The following ZBTB17 variants were observed in gnomAD, a reference collection of about 807,000 sequenced individuals.
The protein encoded by ZBTB17 is zinc finger and BTB domain-containing protein 17.
Under a neutral mutation model 85.1 loss-of-function variants are expected in ZBTB17, and 24 were observed. That is an observed-to-expected ratio of 0.28 (90% CI 0.20 to 0.40). The LOEUF (loss-of-function observed/expected upper bound fraction) is 0.40. ZBTB17 is among the 10% of genes least tolerant of loss of function. The pLI is 1.00. For missense variants in ZBTB17, 743 were observed against 1,105.1 expected (o/e 0.67, Z 4.65); for synonymous variants, 464 against 460.2 (o/e 1.01, Z -0.11).
chr1:15,958,415 CA>C (rs34593133), intron 2 of ZBTB17, among the ~76,000 whole-genome samples: 430 of 84,596 alleles, frequency 5.1e-3, no homozygotes, highest in African/African-American at 0.017. Context: ...CCAATACGAC[CA>C]AAAAAAAAAA....
At chr1:15,975,310 G>A (rs1325602204) in intron 1 of ZBTB17, among the ~76,000 whole-genome samples, 3 of 152,166 alleles carry the variant, frequency 2.0e-5, no homozygotes, top group Non-Finnish European at 2.9e-5. Flanking sequence ...ATAAACCCAG[G>A]CAGAGAGAAA....
intron 2 of ZBTB17, among the ~76,000 whole-genome samples, chr1:15,968,163 A>G (rs930851801): frequency 3.9e-5 from 6 of 152,214 alleles, no homozygotes; most frequent in Non-Finnish European, 8.8e-5. Context: ...CAGAGAAACC[A>G]TCTTCTGACC....
intron 3 of ZBTB17, chr1:15,948,083 T>A: frequency 1.6e-6 from 1 of 636,402 alleles, no homozygotes; most frequent in Middle Eastern, 2.7e-4. Context: ...TCCTGCCCGT[T>A]CTCCCCTTAC....
At position 15,951,618 on chromosome 1, in the gene ZBTB17, C is replaced by T. The variant is rs763882431; in HGVS notation, c.-2-3121G>A. On this transcript the variant is annotated intron_variant, in intron 2 of 15. Transcript: ENST00000375743. The surrounding 1 kb of genome is among the most constrained non-coding windows in gnomAD (Gnocchi z 4.1). ...GCCCGTGGCGAGACGGAGGCATGGC[C>T]GGCTGGGTCCTTCCCTCTGAGGGGC... Among the ~76,000 whole-genome samples the T allele has an allele frequency of 2.0e-5, 3 of 152,142 alleles. No homozygotes were observed. Among genetic ancestry groups the T allele is most frequent in the Non-Finnish European group, 4.4e-5 (3 of 68,014 alleles).
rs4661672 is a variant in ZBTB17 at position 15,943,242 on chromosome 1, C to T, written c.1698-48G>A. ...TCGCATGGAACTGCCCCAACCTGGGCCTCCTGCCTCACCCTCTAGACTGAA... is the reference window on the plus strand; with the variant it reads ...TCGCATGGAACTGCCCCAACCTGGGTCTCCTGCCTCACCCTCTAGACTGAA... On this transcript the variant is annotated intron_variant, in intron 12 of 15. Transcript: ENST00000375743. 123,392 of 1,613,216 alleles carry T rather than the reference C, an allele frequency of 0.076. 5,256 individuals are homozygous for T. The highest frequency in any genetic ancestry group is 0.12 in the African/African-American group (8,990 of 75,000).
chr1:15,947,373 C>T (rs928219826), intron 3 of ZBTB17: 10 of 513,956 alleles, frequency 1.9e-5, no homozygotes, highest in South Asian at 8.4e-5. Context: ...AAGGTGTGAA[C>T]GCCCACCCTG....
At chr1:15,975,961 C>A in intron 1 of ZBTB17, 22 bp downstream of exon 1, 2 of 699,744 alleles carry the variant, frequency 2.9e-6, no homozygotes, top group Non-Finnish European at 5.2e-6. Context: ...TTCCCCGGCC[C>A]CGGGCGATTG....
intron 2 of ZBTB17, among the ~76,000 whole-genome samples, chr1:15,957,440 G>A (rs2072090699): frequency 6.6e-6 from 1 of 151,936 alleles, no homozygotes; most frequent in African/African-American, 2.4e-5. Context: ...CACAGGGGCC[G>A]GTGTATCTGG....
In ZBTB17 at chr1:15,942,758, T is replaced by C. The variant is rs377159225; in HGVS notation, c.1829-20A>G. On this transcript the variant is annotated intron_variant, in intron 13 of 15. Coordinates refer to ENST00000375743, the MANE Select transcript of ZBTB17 (RefSeq NM_003443.3). ...TCTCTCCTGGGGGAGCAAGGTTCTC[T>C]CTTGCCTTTGTGGGAAGGGGCCGCA... is the stretch of plus-strand genomic sequence containing the variant. 1 of 1,611,830 alleles carries C rather than the reference T, an allele frequency of 6.2e-7. No homozygotes were observed. Among genetic ancestry groups the C allele is most frequent in the African/African-American group, 1.3e-5 (1 of 75,032 alleles).
intron 3 of ZBTB17, among the ~76,000 whole-genome samples, chr1:15,947,752 A>C (rs2148767513): frequency 6.6e-6 from 1 of 152,314 alleles, no homozygotes; most frequent in Non-Finnish European, 1.5e-5. Context: ...CAGGCCAGTC[A>C]CTGACCTCTT....
intron 2 of ZBTB17, among the ~76,000 whole-genome samples, chr1:15,955,181 G>A (rs1427376399): frequency 6.6e-6 from 1 of 152,016 alleles, no homozygotes; most frequent in Non-Finnish European, 1.5e-5. Context: ...ACAAACAAAT[G>A]AAAACTTCCA....
At chr1:15,942,930 G>T in intron 13 of ZBTB17, 134 bp downstream of exon 13, 1 of 1,430,186 alleles carries the variant, frequency 7.0e-7, no homozygotes. Context: ...CATTTGAACA[G>T]AACTGCCTTC....
intron 5 of ZBTB17, 138 bp from the exon 6 acceptor site, chr1:15,945,978 G>A: frequency 6.5e-7 from 1 of 1,548,182 alleles, no homozygotes; most frequent in Non-Finnish European, 8.8e-7. Flanking sequence ...CAAGGCTGTT[G>A]TGTCTGCTCT....
At chr1:15,945,436 G>A (rs1038247033) in intron 6 of ZBTB17, among the ~76,000 whole-genome samples, 11 of 152,370 alleles carry the variant, frequency 7.2e-5, no homozygotes, top group African/African-American at 2.4e-4. Context: ...TGGGTGGCAA[G>A]GCACCCCTGC....
chr1:15,969,901 G>C (rs927726025), intron 2 of ZBTB17: 1 of 632,400 alleles, frequency 1.6e-6, no homozygotes, highest in Non-Finnish European at 2.9e-6. Flanking sequence ...GAGGCAGCTA[G>C]GACTCTGGAG....
chr1:15,963,696 G>T (rs987955045), intron 2 of ZBTB17, among the ~76,000 whole-genome samples: 1 of 152,172 alleles, frequency 6.6e-6, no homozygotes, highest in East Asian at 1.9e-4. Context: ...ATTTCAGGCA[G>T]ATGAAAGTGA....
intron 2 of ZBTB17, among the ~76,000 whole-genome samples, chr1:15,960,015 G>A (rs1247199667): frequency 2.0e-5 from 3 of 152,160 alleles, no homozygotes; most frequent in Non-Finnish European, 2.9e-5. Context: ...TTGAGGGGAC[G>A]CCCCGAGCAC....
Position 15,966,263 on chromosome 1 carries a change from G to A in ZBTB17, c.-3+6776C>T, listed in dbSNP as rs2072437493. On this transcript the variant is annotated intron_variant, in intron 2 of 15. Coordinates refer to ENST00000375743, the MANE Select transcript of ZBTB17 (RefSeq NM_003443.3). This position sits in a 1 kb window ranked among gnomAD's most constrained non-coding sequence, Gnocchi z 4.1. ...TGGGGCAGGCTGGCGAAATTCGAGTGGAGCCTGCCACTCGGGACAGGAAAG... is the reference window on the plus strand; with the variant it reads ...TGGGGCAGGCTGGCGAAATTCGAGTAGAGCCTGCCACTCGGGACAGGAAAG... 6.6e-6 allele frequency among the ~76,000 whole-genome samples: 1 copy of A among 152,156 alleles called. No homozygotes were observed. The highest frequency in any genetic ancestry group is 2.1e-4 in the South Asian group (1 of 4,828).
At chr1:15,969,908 G>A in intron 2 of ZBTB17, 1 of 637,412 alleles carries the variant, frequency 1.6e-6, no homozygotes, top group Non-Finnish European at 2.9e-6. Context: ...CTAGGACTCT[G>A]GAGTCAGGTG....
Sources: allele counts gnomAD v4.1 joint callset (sites outside exome capture counted in the v4.1 genomes callset), GRCh38; gene constraint gnomAD v4.1.1; non-coding constraint Gnocchi (gnomAD v3.1); transcripts MANE v1.5; gene names NCBI Gene and HGNC (gene_info 2026-07-23, HGNC 2026-07-21).